Variants in KCNQ5 observed in about 807,000 individuals in gnomAD.
KCNQ5 encodes potassium voltage-gated channel subfamily KQT member 5.
In KCNQ5, 30 loss-of-function variants were observed where a neutral mutation model predicts 98.2. The observed-to-expected ratio is 0.31, with a 90% CI of 0.23 to 0.41. The LOEUF (loss-of-function observed/expected upper bound fraction) is 0.41. Ranked by LOEUF, KCNQ5 falls within the 10% of genes least tolerant of loss-of-function variation. The pLI, the probability that KCNQ5 is intolerant of heterozygous loss-of-function variation, is 1.00. For synonymous variants in KCNQ5, 458 were observed against 449.4 expected, an observed-to-expected ratio of 1.02 and a Z score of -0.24; for missense variants, 835 against 1,182.5, an observed-to-expected ratio of 0.71 and a Z score of 4.31.
chr6:72,792,393 C>A (rs1774100665), intron 1 of KCNQ5, among the ~76,000 whole-genome samples: 1 of 152,146 alleles, frequency 6.6e-6, no homozygotes, highest in African/African-American at 2.4e-5. Flanking sequence ...ATAGAGACAT[C>A]TTCTTGTATC....
chr6:72,788,107 G>C (rs1450211837), intron 1 of KCNQ5, among the ~76,000 whole-genome samples: 1 of 152,186 alleles, frequency 6.6e-6, no homozygotes, highest in Non-Finnish European at 1.5e-5. Context: ...ATTGGTAGCT[G>C]AATAAGTGAA....
chr6:72,754,532 G>A (rs1771859003), intron 1 of KCNQ5, among the ~76,000 whole-genome samples: 1 of 151,966 alleles, frequency 6.6e-6, no homozygotes, highest in Non-Finnish European at 1.5e-5. Context: ...GGAAGAGAGA[G>A]GATTTTCTAC....
At chr6:73,100,722 T>A (rs1774739003) in intron 5 of KCNQ5, among the ~76,000 whole-genome samples, 1 of 147,590 alleles carries the variant, frequency 6.8e-6, no homozygotes, top group African/African-American at 2.5e-5. Context: ...TTTGAAAAGA[T>A]AAACAAAAAT....
rs1773970564 is a variant in KCNQ5 at position 73,085,896 on chromosome 6, G to A, written c.918+8009G>A. On this transcript the variant is annotated intron_variant, in intron 5 of 13. Transcript: ENST00000370398. ...GGAAACCACGAAATGTAACATTTTT[G>A]CTGTGACCAAACCATGAAAGTTCTT... is the stretch of plus-strand genomic sequence containing the variant. 3.9e-5 allele frequency among the ~76,000 whole-genome samples: 6 copies of A among 152,100 alleles called. No homozygotes were observed. The South Asian group carries it at 8.3e-4, about 21-fold the overall frequency.
At chr6:72,838,439 T>TA (rs917587601) in intron 1 of KCNQ5, among the ~76,000 whole-genome samples, 41 of 152,290 alleles carry the variant, frequency 2.7e-4, no homozygotes, top group African/African-American at 6.7e-4. Context: ...AAACATAACT[T>TA]AAAAACATAG....
intron 1 of KCNQ5, among the ~76,000 whole-genome samples, chr6:72,985,847 G>C (rs1768747754): frequency 6.6e-6 from 1 of 152,148 alleles, no homozygotes; most frequent in African/African-American, 2.4e-5. Context: ...ACACCAAAAA[G>C]ACATATGTAC....
chr6:73,044,444 G>A (rs926864538), intron 3 of KCNQ5, among the ~76,000 whole-genome samples: 2 of 152,152 alleles, frequency 1.3e-5, no homozygotes, highest in African/African-American at 4.8e-5. Flanking sequence ...GTCTAGATTT[G>A]TACTTACAGT....
At chr6:72,751,005 C>A (rs2154476576) in intron 1 of KCNQ5, among the ~76,000 whole-genome samples, 1 of 151,624 alleles carries the variant, frequency 6.6e-6, no homozygotes, top group Middle Eastern at 3.4e-3. Flanking sequence ...AGAGCTGGTA[C>A]TGGGATGAAA....
At position 72,839,541 on chromosome 6, in the gene KCNQ5, G is replaced by A. The variant is rs146350085; in HGVS notation, c.399-164367G>A. On this transcript the variant is annotated intron_variant, in intron 1 of 13. Transcript: ENST00000370398. ...ATTCTATTACATTACTCTAAAGGTT[G>A]TTGATGTTTTTGCTTTAAAAGACAA... Among the ~76,000 whole-genome samples, 638 of 152,268 alleles carry A rather than the reference G, an allele frequency of 4.2e-3. 8 individuals carry two copies. Among genetic ancestry groups the A allele is most frequent in the African/African-American group, 0.015 (619 of 41,550 alleles).
intron 1 of KCNQ5, chr6:72,806,973 A>G (rs910761779): frequency 3.2e-5 from 10 of 307,792 alleles, no homozygotes; most frequent in Middle Eastern, 8.7e-4. Flanking sequence ...CTCTGTTACT[A>G]TTTATTATGT....
intron 11 of KCNQ5, among the ~76,000 whole-genome samples, chr6:73,174,818 G>T (rs1275331397): frequency 6.6e-6 from 1 of 152,190 alleles, no homozygotes; most frequent in Non-Finnish European, 1.5e-5. Flanking sequence ...ATAAACATTT[G>T]CAAAGCACTT....
intron 1 of KCNQ5, among the ~76,000 whole-genome samples, chr6:72,627,012 G>T (rs2098918275): frequency 6.6e-6 from 1 of 152,192 alleles, no homozygotes; most frequent in Admixed American, 6.5e-5. Context: ...ATTTGAACAT[G>T]TTGGGCTTTT....
At chr6:72,893,669 A>G (rs1779143398) in intron 1 of KCNQ5, among the ~76,000 whole-genome samples, 1 of 152,168 alleles carries the variant, frequency 6.6e-6, no homozygotes, top group African/African-American at 2.4e-5. Context: ...ATTTAGACCT[A>G]TTTTTCCACA....
intron 1 of KCNQ5, among the ~76,000 whole-genome samples, chr6:72,734,343 A>G (rs979636472): frequency 6.9e-6 from 1 of 145,788 alleles, no homozygotes; most frequent in Admixed American, 6.8e-5. Context: ...TTTGTTTGAG[A>G]CGGAGTCTTG....
rs1370919742 is a variant in KCNQ5 at position 72,844,581 on chromosome 6, C to A, written c.399-159327C>A. Among the ~76,000 whole-genome samples, 3 of 152,090 alleles carry A rather than the reference C, an allele frequency of 2.0e-5. No individual in the cohort carries two copies. The South Asian group carries it at 6.2e-4, about 32-fold the overall frequency. ...TAATCTAAACTTTTGTAATGCATACCCAAACTTAAGGATCAACTAGTAAGC... is the reference window on the plus strand; with the variant it reads ...TAATCTAAACTTTTGTAATGCATACACAAACTTAAGGATCAACTAGTAAGC... On this transcript the variant is annotated intron_variant, in intron 1 of 13. Coordinates refer to ENST00000370398, the MANE Select transcript of KCNQ5 (RefSeq NM_019842.4).
At chr6:72,693,168 T>A (rs1328094981) in intron 1 of KCNQ5, among the ~76,000 whole-genome samples, 1 of 151,844 alleles carries the variant, frequency 6.6e-6, no homozygotes, top group Non-Finnish European at 1.5e-5. Context: ...AAAGGAAGCA[T>A]GTGGAATAAG....
intron 3 of KCNQ5, chr6:73,055,607 C>T: frequency 7.7e-7 from 1 of 1,301,350 alleles, no homozygotes; most frequent in Non-Finnish European, 1.1e-6. Context: ...AGTATTTCCC[C>T]AGATCAAGGA....
intron 1 of KCNQ5, among the ~76,000 whole-genome samples, chr6:72,917,934 G>A (rs143112181): frequency 6.6e-6 from 1 of 152,162 alleles, no homozygotes; most frequent in East Asian, 1.9e-4. Context: ...TCTTTTCTAG[G>A]GGGGCTGTCC....
At chr6:72,778,617 A>T (rs58043271) in intron 1 of KCNQ5, among the ~76,000 whole-genome samples, 38,918 of 151,980 alleles carry the variant, frequency 0.26, 5,124 homozygotes, top group South Asian at 0.37. Flanking sequence ...CACAAAAAAA[A>T]AGGTAACTAT....
Sources: gnomAD v4.1 joint callset for allele counts (sites outside exome capture counted in the v4.1 genomes callset) on GRCh38, gnomAD v4.1.1 for gene constraint, MANE v1.5 for transcripts, NCBI Gene and HGNC (gene_info 2026-07-23, HGNC 2026-07-21) for gene names.